Variants in PDIA6 observed in about 807,000 individuals in gnomAD.
PDIA6 encodes protein disulfide-isomerase A6.
PDIA6 carries 29 observed loss-of-function variants against 58.4 expected under a neutral mutation model. The ratio of observed to expected loss-of-function variants is 0.50; its 90% CI spans 0.37 to 0.68. PDIA6 has a LOEUF of 0.68. Among genes scored for constraint, PDIA6 ranks in the 30% least tolerant of loss-of-function variants. The pLI, the probability that PDIA6 is intolerant of heterozygous loss-of-function variation, is 0.00. For synonymous variants in PDIA6, 192 were observed against 202.6 expected, an observed-to-expected ratio of 0.95 and a Z score of 0.44; for missense variants, 480 against 551.0, an observed-to-expected ratio of 0.87 and a Z score of 1.29.
intron 1 of PDIA6, among the ~76,000 whole-genome samples, chr2:10,828,254 A>G (rs1667610388): frequency 6.6e-6 from 1 of 152,258 alleles, no homozygotes; most frequent in South Asian, 2.1e-4. Context: ...TCTGTGCTCC[A>G]ACTATTCATT....
At chr2:10,810,020 C>G (rs532141768) in intron 1 of PDIA6, among the ~76,000 whole-genome samples, 1 of 152,232 alleles carries the variant, frequency 6.6e-6, no homozygotes, top group South Asian at 2.1e-4. Context: ...TAAGAGAGAT[C>G]TGGGAGTATG....
upstream of PDIA6, among the ~76,000 whole-genome samples, chr2:10,837,309 C>T (rs943855117): frequency 1.2e-4 from 18 of 152,120 alleles, no homozygotes; most frequent in Admixed American, 7.2e-4. Flanking sequence ...AAGGAGGCGA[C>T]GGGGAAAAGA....
intron 2 of PDIA6, among the ~76,000 whole-genome samples, chr2:10,800,473 T>G (rs2148550415): frequency 6.6e-6 from 1 of 152,314 alleles, no homozygotes; most frequent in African/African-American, 2.4e-5. Flanking sequence ...TCTTGTAAAG[T>G]ACTACATTAA....
chr2:10,816,382 G>C (rs988739281), upstream of PDIA6, among the ~76,000 whole-genome samples: 1 of 129,594 alleles, frequency 7.7e-6, no homozygotes, highest in African/African-American at 3.0e-5. Context: ...CACCATGCCC[G>C]GCCTGTATCA....
chr2:10,815,041 G>A (rs763559479), upstream of PDIA6, among the ~76,000 whole-genome samples: 1 of 152,160 alleles, frequency 6.6e-6, no homozygotes, highest in African/African-American at 2.4e-5. Context: ...GCAGCTGCAC[G>A]AGGCACACAC....
At chr2:10,807,892 T>G (rs1666828920) in intron 1 of PDIA6, among the ~76,000 whole-genome samples, 1 of 152,212 alleles carries the variant, frequency 6.6e-6, no homozygotes. Context: ...TAAATAAAGG[T>G]CTAGACCAAA....
chr2:10,807,652 C>T (rs1310393275), intron 1 of PDIA6, among the ~76,000 whole-genome samples: 1 of 152,210 alleles, frequency 6.6e-6, no homozygotes, highest in Non-Finnish European at 1.5e-5. Context: ...ATCTTAGTTA[C>T]ATTTTCACAT....
chr2:10,799,903 GAAAAAAAAGAAAAAAA>G (rs1157409698), intron 2 of PDIA6, among the ~76,000 whole-genome samples: 1 of 121,500 alleles, frequency 8.2e-6, no homozygotes, highest in Non-Finnish European at 1.7e-5. Flanking sequence ...TCCCTTTTAG[GAAAAAAAAGAAAAAAA>G]AAAAAAAAGA....
intron 4 of PDIA6, among the ~76,000 whole-genome samples, chr2:10,794,730 C>A (rs1666196879): frequency 6.6e-6 from 1 of 152,198 alleles, no homozygotes; most frequent in East Asian, 1.9e-4. Context: ...AGTTCGAGAG[C>A]AGCCTGACCA....
At chr2:10,790,456 A>G (rs1665981552) in intron 7 of PDIA6, among the ~76,000 whole-genome samples, 1 of 152,226 alleles carries the variant, frequency 6.6e-6, no homozygotes, top group Non-Finnish European at 1.5e-5. Flanking sequence ...AACTCACAAC[A>G]GCCATATGAG....
chr2:10,820,733 G>A (rs766706947), intron 1 of PDIA6: 2 of 702,732 alleles, frequency 2.8e-6, no homozygotes, highest in African/African-American at 3.5e-5. Context: ...CACCAGCTGG[G>A]GTGGCCCGAA....
intron 4 of PDIA6, among the ~76,000 whole-genome samples, chr2:10,796,186 T>C (rs1433894006): frequency 2.6e-5 from 4 of 152,012 alleles, no homozygotes; most frequent in East Asian, 1.9e-4. Flanking sequence ...CCAGAGTAGC[T>C]GGGACTACAG....
At chr2:10,794,651 G>T (rs560162284) in intron 4 of PDIA6, among the ~76,000 whole-genome samples, 1 of 149,960 alleles carries the variant, frequency 6.7e-6, no homozygotes, top group Admixed American at 6.6e-5. Flanking sequence ...AATATAGGCC[G>T]GGTGCGGTGG....
intron 10 of PDIA6, among the ~76,000 whole-genome samples, chr2:10,788,075 A>G (rs1665863233): frequency 6.6e-6 from 1 of 151,870 alleles, no homozygotes; most frequent in Non-Finnish European, 1.5e-5. Flanking sequence ...CAAAAAAAAA[A>G]AAAAAGGATA....
Position 10,790,826 on chromosome 2 carries a change from G to A in PDIA6, c.592C>T (p.Pro198Ser), listed in dbSNP as rs763479949. 1.2e-6 allele frequency: 2 copies of A among 1,611,444 alleles called. No individual in the cohort carries two copies. The highest frequency in any genetic ancestry group is 1.3e-5 in the African/African-American group (1 of 74,858). The change falls in exon 7 of 13, where the codon CCA (proline) becomes TCA (serine). Residue 198 changes from proline to serine, a missense_variant. Physicochemically the swap from Pro to Ser is moderately conservative, Grantham distance 74. Transcript: ENST00000272227. ...TCTGAAGCTGCGGCAGCCCACTCTG[G>A]CTCTAGGCTATAGAAAAATATTCGT... ...PWCGHCKNLE[P>S]EWAAAASEVK...
chr2:10,798,570 A>C (rs113281972), intron 2 of PDIA6, among the ~76,000 whole-genome samples: 14,046 of 63,562 alleles, frequency 0.22, 808 homozygotes, highest in South Asian at 0.34. Context: ...TCTGTCCCCC[A>C]CCCAAAAAAA....
chr2:10,785,030 C>T lies in PDIA6; in HGVS notation c.1158G>A (p.Arg386=). Residue 386 remains arginine, a splice_region_variant and synonymous_variant, in exon 12 of 13, where the codon AGG becomes AGA. Transcript: ENST00000272227. ...TGGAGCCACGCCCAAAAGAGAGCTCCCTTAGGGAAAAATGACCAAAACACA... is the reference window on the plus strand; with the variant it reads ...TGGAGCCACGCCCAAAAGAGAGCTCTCTTAGGGAAAAATGACCAAAACACA... ...FSEQGINEFL[R]ELSFGRGSTA... The T allele has an allele frequency of 6.4e-7, 1 of 1,569,404 alleles. No homozygotes were observed. Among genetic ancestry groups the T allele is most frequent in the Non-Finnish European group, 8.7e-7 (1 of 1,155,138 alleles).
intron 1 of PDIA6, among the ~76,000 whole-genome samples, chr2:10,806,421 C>T (rs1616297): frequency 0.48 from 68,592 of 143,590 alleles, 17,936 homozygotes; most frequent in Non-Finnish European, 0.58. Flanking sequence ...TTGTATAATG[C>T]GTTTTAAGGT....
intron 1 of PDIA6, among the ~76,000 whole-genome samples, chr2:10,827,290 T>C (rs1368245646): frequency 6.6e-6 from 1 of 152,104 alleles, no homozygotes; most frequent in Non-Finnish European, 1.5e-5. Flanking sequence ...CTCAAACTTC[T>C]GACCTCAGAT....
Sources: gnomAD v4.1 joint callset for allele counts (sites outside exome capture counted in the v4.1 genomes callset) on GRCh38, gnomAD v4.1.1 for gene constraint, MANE v1.5 for transcripts, NCBI Gene and HGNC (gene_info 2026-07-23, HGNC 2026-07-21) for gene names.